ATL2: variants seen among roughly 807,000 people sequenced by gnomAD.
ATL2 encodes atlastin GTPase 2.
ATL2 carries 31 observed loss-of-function variants against 73.9 expected under a neutral mutation model. The ratio of observed to expected loss-of-function variants is 0.42; its 90% confidence interval spans 0.32 to 0.57. ATL2 has a LOEUF of 0.57. ATL2 is among the 20% of genes least tolerant of loss of function. The pLI is 0.14. For synonymous variants in ATL2, 291 were observed against 237.5 expected (o/e 1.23, Z -2.07); for missense variants, 738 against 702.6 (o/e 1.05, Z -0.57).
chr2:38,344,075 C>T (rs1353164846), intron 1 of ATL2, among the ~76,000 whole-genome samples: 1 of 152,050 alleles, frequency 6.6e-6, no homozygotes, highest in Non-Finnish European at 1.5e-5. Context: ...TACAGATAAA[C>T]AATAATACTA....
In ATL2 at chr2:38,325,346, T is replaced by C. The variant is rs141083345; in HGVS notation, c.364-6327A>G. On this transcript the variant is annotated intron_variant, in intron 2 of 12. Transcript: ENST00000378954. ...TAACACAAAGGATCAGGAGTTGAGG[T>C]CAGCTTACCAGCAACTGCTGCAGCA... Among the ~76,000 whole-genome samples the C allele has an allele frequency of 4.0e-3, 607 of 152,250 alleles. 3 individuals are homozygous for C. The highest frequency in any genetic ancestry group is 0.013 in the African/African-American group (522 of 41,536).
chr2:38,306,781 C>G (rs954166297), intron 9 of ATL2, among the ~76,000 whole-genome samples: 1 of 152,204 alleles, frequency 6.6e-6, no homozygotes, highest in Non-Finnish European at 1.5e-5. Context: ...AGACCCACAG[C>G]TAGTATCTTA....
intron 12 of ATL2, chr2:38,297,833 G>A (rs1159079906): frequency 5.1e-6 from 1 of 197,096 alleles, no homozygotes. Flanking sequence ...ATCATTCATT[G>A]TTTATATTTT....
chr2:38,353,921 G>A lies in ATL2; in HGVS notation c.119-10409C>T, dbSNP rs372575701. 17 of 167,380 alleles carry A rather than the reference G, an allele frequency of 1.0e-4. No homozygotes were observed. In the East Asian group the frequency reaches 2.7e-3, roughly 26 times the overall value. 10.4% of individuals were successfully genotyped at this position (167,380 alleles called of 1,614,324 possible). A position where few individuals can be genotyped will look rare whatever the true frequency, so the allele number is the denominator to read the frequency against. On this transcript the variant is annotated intron_variant, in intron 1 of 12. Transcript: ENST00000378954. The stretch of plus-strand genomic sequence containing the variant: ...CAAAAGCAAAAGTATGGCCGGGTGC[G>A]GTGGCTCACGCCTGTAATCCCAGCA...
chr2:38,337,486 C>CCAAAAAAAA (rs1669432768), intron 2 of ATL2, among the ~76,000 whole-genome samples: 1 of 21,638 alleles, frequency 4.6e-5, no homozygotes, highest in African/African-American at 1.5e-4. Flanking sequence ...ACTCTGTCTC[C>CCAAAAAAAA]AAAAAAAAAA....
intron 9 of ATL2, among the ~76,000 whole-genome samples, chr2:38,306,753 A>T (rs1202053102): frequency 6.6e-6 from 1 of 152,236 alleles, no homozygotes; most frequent in Admixed American, 6.5e-5. Flanking sequence ...TCTCAACATA[A>T]TAAAAGCTGT....
intron 2 of ATL2, among the ~76,000 whole-genome samples, chr2:38,321,457 A>G (rs1005899996): frequency 6.6e-6 from 1 of 152,166 alleles, no homozygotes; most frequent in African/African-American, 2.4e-5. Context: ...GGCACCCTTC[A>G]CAGGAATCAG....
intron 2 of ATL2, among the ~76,000 whole-genome samples, chr2:38,334,861 ATAT>A (rs1669215364): frequency 2.2e-5 from 1 of 45,798 alleles, no homozygotes; most frequent in African/African-American, 4.4e-5. Context: ...CAATATTTAT[ATAT>A]TATATAATAT....
Position 38,298,157 on chromosome 2 carries a change from G to A in ATL2, c.1619C>T (p.Thr540Ile). Residue 540 changes from threonine (T) to isoleucine (I), a missense_variant, in exon 12 of 13, where the codon ACA (threonine) becomes ATA (isoleucine). By Grantham distance (89) the Thr-to-Ile change is moderately conservative (BLOSUM62 -1). Transcript: ENST00000378954. ...ATAGATACCAACCTGTTCCCATAGTGTTTCAGCAATCTGATCAATCACTGT... is the reference window on the plus strand; with the variant it reads ...ATAGATACCAACCTGTTCCCATAGTATTTCAGCAATCTGATCAATCACTGT... ...IGTVIDQIAE[T>I]LWEQVLKPLG... 2 of 1,612,368 alleles carry A rather than the reference G, an allele frequency of 1.2e-6. No homozygotes were observed. The highest frequency in any genetic ancestry group is 1.7e-6 in the Non-Finnish European group (2 of 1,179,054).
chr2:38,377,793 G>A (rs73931221), upstream of ATL2, among the ~76,000 whole-genome samples: 2,533 of 135,092 alleles, frequency 0.019, 67 homozygotes, highest in African/African-American at 0.069. Context: ...CCAAGTTGTT[G>A]CCAGTGCCCT....
At chr2:38,339,573 A>G (rs1669580145) in intron 2 of ATL2, among the ~76,000 whole-genome samples, 1 of 152,220 alleles carries the variant, frequency 6.6e-6, no homozygotes, top group South Asian at 2.1e-4. Context: ...TAAAAATGAA[A>G]AAAACACTTC....
intron 1 of ATL2, among the ~76,000 whole-genome samples, chr2:38,376,764 G>C (rs929322023): frequency 6.6e-6 from 1 of 151,874 alleles, no homozygotes; most frequent in Non-Finnish European, 1.5e-5. Context: ...CTCGCCGGAC[G>C]GAGCGGAGCC....
chr2:38,333,356 G>A (rs555756818), intron 2 of ATL2, among the ~76,000 whole-genome samples: 2 of 152,204 alleles, frequency 1.3e-5, no homozygotes, highest in African/African-American at 2.4e-5. Context: ...GGCAGAGTGA[G>A]GGAAGGAGGT....
chr2:38,346,708 G>A (rs958308213), intron 1 of ATL2, among the ~76,000 whole-genome samples: 2 of 152,184 alleles, frequency 1.3e-5, no homozygotes, highest in Non-Finnish European at 2.9e-5. Context: ...GGTCTGACAG[G>A]AGGCGAAGCT....
chr2:38,310,374 C>G lies in ATL2; in HGVS notation c.878G>C (p.Cys293Ser). The part of the protein sequence containing the change: ...HIHNCFSNLG[C>S]FLLPHPGLKV... ...AAGACCAGGATGTGGCAAAAGGAAGCAACCAAGATTTGAGAAACAATTGTG... is the reference window on the plus strand; with the variant it reads ...AAGACCAGGATGTGGCAAAAGGAAGGAACCAAGATTTGAGAAACAATTGTG... Residue 293 changes from cysteine to serine, a missense_variant, in exon 8 of 13, where the codon TGC becomes TCC. Transcript: ENST00000378954. The G allele has an allele frequency of 1.9e-6, 3 of 1,609,590 alleles. No homozygotes were observed. Among genetic ancestry groups the G allele is most frequent in the Non-Finnish European group, 2.5e-6 (3 of 1,178,170 alleles).
chr2:38,336,927 C>T lies in ATL2; in HGVS notation c.363+6341G>A, dbSNP rs78589027. On this transcript the variant is annotated intron_variant, in intron 2 of 12. Coordinates refer to ENST00000378954, the MANE Select transcript of ATL2 (RefSeq NM_001135673.4). ...CTATGAAGTACTCTTGCCAAAAGAGCGTCAAACTTGAGTCTGATGAAGTCT... is the reference window on the plus strand; with the variant it reads ...CTATGAAGTACTCTTGCCAAAAGAGTGTCAAACTTGAGTCTGATGAAGTCT... Among the ~76,000 whole-genome samples the T allele has an allele frequency of 1.6e-3, 239 of 152,218 alleles. 3 individuals carry two copies. The highest frequency in any genetic ancestry group is 5.5e-3 in the African/African-American group (229 of 41,540).
intron 9 of ATL2, among the ~76,000 whole-genome samples, chr2:38,306,330 C>A (rs1667445172): frequency 6.6e-6 from 1 of 152,130 alleles, no homozygotes; most frequent in Non-Finnish European, 1.5e-5. Flanking sequence ...GAACTAATAC[C>A]AATCCTACTC....
chr2:38,359,365 G>C (rs185844712), intron 1 of ATL2, among the ~76,000 whole-genome samples: 1 of 152,036 alleles, frequency 6.6e-6, no homozygotes, highest in East Asian at 1.9e-4. Flanking sequence ...AGCTATTTGG[G>C]AGGCTGAGGC....
chr2:38,353,121 C>G (rs1670453699), intron 1 of ATL2, among the ~76,000 whole-genome samples: 1 of 152,180 alleles, frequency 6.6e-6, no homozygotes, highest in Non-Finnish European at 1.5e-5. Context: ...TTAACAGTAC[C>G]AATTCTGCCA....
Sources: allele counts gnomAD v4.1 joint callset (sites outside exome capture counted in the v4.1 genomes callset), GRCh38; gene constraint gnomAD v4.1.1; transcripts MANE v1.5; gene names NCBI Gene and HGNC (gene_info 2026-07-23, HGNC 2026-07-21).